RCBTB2: variants seen among roughly 807,000 people sequenced by gnomAD.
RCBTB2 encodes RCC1 and BTB domain-containing protein 2.
In RCBTB2, 55 loss-of-function variants were observed where a neutral mutation model predicts 65.4. That is an observed-to-expected ratio of 0.84 (90% CI 0.68 to 1.05). RCBTB2 has a LOEUF of 1.05. Among genes scored for constraint, RCBTB2 ranks in the 50% least tolerant of loss-of-function variants. The probability of loss-of-function intolerance (pLI) is 0.00; values close to 1 mark genes in which losing one functional copy is unlikely to be tolerated. For synonymous variants in RCBTB2, 220 were observed against 255.2 expected, an observed-to-expected ratio of 0.86 and a Z score of 1.31; for missense variants, 599 against 680.1, an observed-to-expected ratio of 0.88 and a Z score of 1.33.
intron 6 of RCBTB2, among the ~76,000 whole-genome samples, chr13:48,514,472 C>T (rs905148648): frequency 1.3e-5 from 2 of 152,188 alleles, no homozygotes; most frequent in African/African-American, 2.4e-5. Flanking sequence ...CCAAGGATAA[C>T]GGGAGACTAC....
upstream of RCBTB2, among the ~76,000 whole-genome samples, chr13:48,533,839 A>G (rs1433850430): frequency 6.6e-6 from 1 of 152,230 alleles, no homozygotes; most frequent in Non-Finnish European, 1.5e-5. Context: ...ATGCTCAACA[A>G]TTAAATGTTA....
At chr13:48,505,721 G>A (rs1482303939) in intron 10 of RCBTB2, among the ~76,000 whole-genome samples, 4 of 151,998 alleles carry the variant, frequency 2.6e-5, no homozygotes, top group East Asian at 1.9e-4. Context: ...CTAGGGCCAC[G>A]TTATTTAAAT....
At chr13:48,513,005 GC>G in intron 6 of RCBTB2, 110 bp from the exon 7 acceptor site, 1 of 842,352 alleles carries the variant, frequency 1.2e-6, no homozygotes, top group Middle Eastern at 2.7e-4. Context: ...GGTGCAAAAA[GC>G]TAATCAACTT....
Position 48,489,017 on chromosome 13 carries a change from G to T in RCBTB2, c.*1094C>A, listed in dbSNP as rs1432447571. 1 of 152,142 alleles carries T rather than the reference G, an allele frequency of 6.6e-6. No homozygotes were observed. The highest frequency in any genetic ancestry group is 1.5e-5 in the Non-Finnish European group (1 of 68,030). The allele number at this position is 152,142 out of a possible 1,614,324, so 9.4% of individuals were successfully genotyped here. On this transcript the variant is annotated 3_prime_UTR_variant, in exon 15 of 15. Coordinates refer to ENST00000344532, the MANE Select transcript of RCBTB2 (RefSeq NM_001268.4). ...ACCAAATAGTTCAGCATCAGAACAA[G>T]AATTCTAATTCCAAAAGGGTTTCCT...
chr13:48,503,605 A>G (rs9316385), intron 10 of RCBTB2, among the ~76,000 whole-genome samples: 34,727 of 152,008 alleles, frequency 0.23, 10,401 homozygotes, highest in African/African-American at 0.69. Context: ...GCAGTGGCAC[A>G]ATCTTGGATC....
At chr13:48,504,350 C>T (rs1368249547) in intron 10 of RCBTB2, 1 of 985,262 alleles carries the variant, frequency 1.0e-6, no homozygotes, top group Non-Finnish European at 1.2e-6. Flanking sequence ...TTGGCGTCAC[C>T]TCTGTACAGA....
In RCBTB2 at chr13:48,494,292, G is replaced by A. The variant is rs915260224; in HGVS notation, c.1515+1899C>T. Among the ~76,000 whole-genome samples, 3 of 152,180 alleles carry A rather than the reference G, an allele frequency of 2.0e-5. No individual in the cohort carries two copies. In the East Asian group the frequency reaches 5.8e-4, roughly 29 times the overall value. On this transcript the variant is annotated intron_variant, in intron 14 of 14. Transcript: ENST00000344532. ...GCCCATTTCTTGCTTATTTGAGCCA[G>A]GCAAATCAAATACAGCACTGTTCTT... is the stretch of plus-strand genomic sequence containing the variant.
chr13:48,532,058 C>T (rs1952162197), intron 1 of RCBTB2: 1 of 152,224 alleles, frequency 6.6e-6, no homozygotes, highest in East Asian at 1.9e-4. Flanking sequence ...AGGTAAGTCG[C>T]CAAGCGCGGT....
intron 9 of RCBTB2, among the ~76,000 whole-genome samples, chr13:48,511,233 T>C (rs746344771): frequency 2.0e-5 from 3 of 152,186 alleles, no homozygotes; most frequent in Non-Finnish European, 4.4e-5. Context: ...GTATAAGCAG[T>C]TCTGTATCTT....
upstream of RCBTB2, chr13:48,533,241 C>G (rs2138691383): frequency 3.2e-6 from 1 of 313,774 alleles, no homozygotes; most frequent in African/African-American, 2.3e-5. Flanking sequence ...CCTCCCTAGG[C>G]TGCCCACCGC....
In RCBTB2 at chr13:48,527,380, A is replaced by G. The variant is rs572461979; in HGVS notation, c.-218-2623T>C. Among the ~76,000 whole-genome samples, 130 of 145,226 alleles carry G rather than the reference A, an allele frequency of 9.0e-4. 5 individuals are homozygous for G. The South Asian group carries it at 0.015, about 16-fold the overall frequency. On this transcript the variant is annotated intron_variant, in intron 1 of 14. Coordinates refer to ENST00000344532, the MANE Select transcript of RCBTB2 (RefSeq NM_001268.4). ...ATATATTTATATATGATATATATAT[A>G]TGATATATATTTATATTAAAAGGTG...
At chr13:48,494,041 G>C (rs1390754491) in intron 14 of RCBTB2, among the ~76,000 whole-genome samples, 1 of 152,114 alleles carries the variant, frequency 6.6e-6, no homozygotes, top group East Asian at 1.9e-4. Context: ...GCCCAATCTT[G>C]GACTGTATCC....
At chr13:48,507,845 G>T (rs1950580804) in intron 10 of RCBTB2, among the ~76,000 whole-genome samples, 1 of 152,192 alleles carries the variant, frequency 6.6e-6, no homozygotes, top group African/African-American at 2.4e-5. Context: ...AGATACAAAT[G>T]TTGGTCAATC....
intron 4 of RCBTB2, among the ~76,000 whole-genome samples, chr13:48,518,472 A>AATATATATAT (rs779789935): frequency 1.3e-4 from 15 of 116,588 alleles, no homozygotes; most frequent in African/African-American, 4.5e-4. Context: ...AAAAAAAAAA[A>AATATATATAT]ATATATATAT....
chr13:48,506,356 G>A (rs2138496051), intron 10 of RCBTB2, among the ~76,000 whole-genome samples: 1 of 152,332 alleles, frequency 6.6e-6, no homozygotes, highest in Non-Finnish European at 1.5e-5. Flanking sequence ...TTGTAAACAG[G>A]GCCATGATGT....
At chr13:48,494,424 C>A (rs1949884110) in intron 14 of RCBTB2, among the ~76,000 whole-genome samples, 2 of 152,048 alleles carry the variant, frequency 1.3e-5, no homozygotes, top group Admixed American at 6.5e-5. Flanking sequence ...GGCTGTAGTA[C>A]AACAGTGCAT....
At chr13:48,508,246 T>TGGAGAAGTGC (rs1195407227) in intron 10 of RCBTB2, among the ~76,000 whole-genome samples, 1 of 152,092 alleles carries the variant, frequency 6.6e-6, no homozygotes, top group Non-Finnish European at 1.5e-5. Flanking sequence ...CTGGAAAGGG[T>TGGAGAAGTGC]GGAGAAGTGC....
At chr13:48,508,774 C>A (rs2138515136) in intron 10 of RCBTB2, among the ~76,000 whole-genome samples, 1 of 152,264 alleles carries the variant, frequency 6.6e-6, no homozygotes, top group Non-Finnish European at 1.5e-5. Context: ...ATAGATAACT[C>A]CCAATGTCCA....
At chr13:48,505,159 G>A (rs1950438009) in intron 10 of RCBTB2, among the ~76,000 whole-genome samples, 1 of 151,958 alleles carries the variant, frequency 6.6e-6, no homozygotes, top group African/African-American at 2.4e-5. Context: ...CGTGACTAGG[G>A]GAATGTCACT....
Sources: gnomAD v4.1 joint callset for allele counts (sites outside exome capture counted in the v4.1 genomes callset) on GRCh38, gnomAD v4.1.1 for gene constraint, MANE v1.5 for transcripts, NCBI Gene and HGNC (gene_info 2026-07-23, HGNC 2026-07-21) for gene names.